Variants in DNAH9 observed in about 807,000 individuals in gnomAD.
The protein encoded by DNAH9 is DNAH9 variant protein.
DNAH9 carries 345 observed loss-of-function variants against 471.6 expected under a neutral mutation model. That is an observed-to-expected ratio of 0.73 (90% CI 0.67 to 0.80). The LOEUF is 0.80. Among genes scored for constraint, DNAH9 ranks in the 30% least tolerant of loss-of-function variants. The pLI, the probability that DNAH9 is intolerant of heterozygous loss-of-function variation, is 0.00. For missense variants in DNAH9, 5,407 were observed against 5,609.2 expected, an observed-to-expected ratio of 0.96 and a Z score of 1.15; for synonymous variants, 2,093 against 2,123.6, an observed-to-expected ratio of 0.99 and a Z score of 0.40.
chr17:11,636,561 C>T, intron 8 of DNAH9, 73 bp from the exon 9 acceptor site: 1 of 1,258,708 alleles, frequency 7.9e-7, no homozygotes, highest in Non-Finnish European at 1.1e-6. Context: ...AAAACCAGAA[C>T]ACTGGATTTG....
At chr17:11,655,688 A>G (rs1272584230) in intron 14 of DNAH9, among the ~76,000 whole-genome samples, 1 of 151,368 alleles carries the variant, frequency 6.6e-6, no homozygotes, top group African/African-American at 2.4e-5. Flanking sequence ...CAGCCATGAA[A>G]AGGAATGAAA....
intron 62 of DNAH9, among the ~76,000 whole-genome samples, chr17:11,928,071 AT>A (rs776014372): frequency 1.3e-5 from 2 of 152,032 alleles, no homozygotes; most frequent in Non-Finnish European, 2.9e-5. Context: ...CTTACATAGC[AT>A]TTTACAGTAT....
At chr17:11,716,349 A>G (rs2074962711) in intron 26 of DNAH9, among the ~76,000 whole-genome samples, 2 of 151,886 alleles carry the variant, frequency 1.3e-5, no homozygotes, top group Admixed American at 6.6e-5. Flanking sequence ...CCAAAGTGCT[A>G]GGATTACAGG....
At chr17:11,870,834 C>G (rs1972236712) in intron 51 of DNAH9, among the ~76,000 whole-genome samples, 1 of 152,150 alleles carries the variant, frequency 6.6e-6, no homozygotes. Context: ...CTCTACCGAC[C>G]TAGAGATTCT....
At chr17:11,934,164 C>T (rs1974617100) in intron 65 of DNAH9, 93 bp downstream of exon 65, 2 of 1,369,160 alleles carry the variant, frequency 1.5e-6, no homozygotes, top group African/African-American at 2.9e-5. Flanking sequence ...AGGGAAGCCT[C>T]TGCTGGGACA....
At chr17:11,611,920 A>C in intron 4 of DNAH9, 140 bp downstream of exon 4, 1 of 780,474 alleles carries the variant, frequency 1.3e-6, no homozygotes, top group South Asian at 1.6e-5. Flanking sequence ...TGGTGGCAAG[A>C]ATACCACATC....
chr17:11,615,586 AC>A (rs915123198), intron 4 of DNAH9, among the ~76,000 whole-genome samples: 4 of 140,516 alleles, frequency 2.8e-5, no homozygotes, highest in African/African-American at 1.1e-4. Flanking sequence ...CTCCATCCCC[AC>A]CCCAAAAGAA....
chr17:11,886,970 C>T lies in DNAH9; in HGVS notation c.11112+5C>T, dbSNP rs1181234507. 8 of 1,607,154 alleles carry T rather than the reference C, an allele frequency of 5.0e-6. No homozygotes were observed. Among genetic ancestry groups the T allele is most frequent in the Non-Finnish European group, 6.8e-6 (8 of 1,176,866 alleles). On this transcript the variant is annotated splice_donor_5th_base_variant and intron_variant, in intron 57 of 68. Transcript: ENST00000262442. Reference sequence around the variant, plus strand: ...ATGTACCAGTTTTCTCTCAAGGTGACTTACACCTGGAGTTTCTTGCCTGAT... The same window carrying T: ...ATGTACCAGTTTTCTCTCAAGGTGATTTACACCTGGAGTTTCTTGCCTGAT...
At chr17:11,800,525 CTA>C (rs1969415176) in intron 43 of DNAH9, among the ~76,000 whole-genome samples, 3 of 152,170 alleles carry the variant, frequency 2.0e-5, no homozygotes, top group Admixed American at 6.5e-5. Context: ...TCCTTTCCAT[CTA>C]CTACCCCCAT....
intron 66 of DNAH9, among the ~76,000 whole-genome samples, chr17:11,939,464 A>G (rs562909221): frequency 1.3e-5 from 2 of 152,314 alleles, no homozygotes; most frequent in South Asian, 4.1e-4. Context: ...GCCATGCACA[A>G]TGCTGTGTGG....
chr17:11,927,835 G>C (rs1027247272), intron 62 of DNAH9, among the ~76,000 whole-genome samples: 1 of 152,080 alleles, frequency 6.6e-6, no homozygotes, highest in African/African-American at 2.4e-5. Context: ...TCCACCCCAG[G>C]GTTCTATACA....
At position 11,763,622 on chromosome 17, in the gene DNAH9, G is replaced by T. The variant is rs1455493300; in HGVS notation, c.7170+8G>T. Reference sequence around the variant, plus strand: ...GCAATGGTCCAAGATCAGGTAAGGAGATATGTTGAGCTCAACAACCACACT... The same window carrying T: ...GCAATGGTCCAAGATCAGGTAAGGATATATGTTGAGCTCAACAACCACACT... On this transcript the variant is annotated splice_region_variant and intron_variant, in intron 36 of 68. Coordinates refer to ENST00000262442, the MANE Select transcript of DNAH9 (RefSeq NM_001372.4). 1.9e-6 allele frequency: 3 copies of T among 1,613,238 alleles called. No homozygotes were observed. The African/African-American group carries it at 4.0e-5, about 21-fold the overall frequency.
rs1437689844 is a variant in DNAH9 at position 11,817,721 on chromosome 17, C to T, written c.8708-4199C>T. 2.0e-5 allele frequency among the ~76,000 whole-genome samples: 3 copies of T among 152,104 alleles called. No homozygotes were observed. The East Asian group carries it at 5.8e-4, about 29-fold the overall frequency. On this transcript the variant is annotated intron_variant, in intron 45 of 68. Coordinates refer to ENST00000262442, the MANE Select transcript of DNAH9 (RefSeq NM_001372.4). ...GGTTTTCCTTCACTCCTATTTTTAT[C>T]AGAAGAGGCTGAAATGAGTCATTCT...
chr17:11,956,657 CAGAA>C (rs1051493218), intron 67 of DNAH9, among the ~76,000 whole-genome samples: 1 of 151,736 alleles, frequency 6.6e-6, no homozygotes, highest in African/African-American at 2.4e-5. Flanking sequence ...AAATCAATAA[CAGAA>C]AGATATCAGA....
At chr17:11,969,219 T>G in intron 68 of DNAH9, 81 bp from the exon 69 acceptor site, 6 of 1,273,740 alleles carry the variant, frequency 4.7e-6, no homozygotes, top group Non-Finnish European at 6.6e-6. Context: ...TTTCCTCCCT[T>G]GGATCTGCTG....
rs1196623862 is a variant in DNAH9, at chr17:11,822,852, G to A, written c.9064G>A (p.Val3022Ile). 1.2e-6 allele frequency: 2 copies of A among 1,614,252 alleles called. No individual in the cohort carries two copies. Among genetic ancestry groups the A allele is most frequent in the East Asian group, 2.2e-5 (1 of 44,886 alleles). ...SKFMAFVHTS[V>I]NQTSQSYLSN... ...ATTCATGGCCTTTGTCCACACAAGT[G>A]TCAACCAAACATCCCAGTCTTATCT... Residue 3022 changes from valine (V) to isoleucine (I), a missense_variant, in exon 48 of 69, where the codon GTC (valine) becomes ATC (isoleucine). Around this residue, in one of 3 missense-constraint regions of DNAH9, gnomAD observed 4,636 missense variants for 4,900.3 expected, o/e 0.95. Coordinates refer to ENST00000262442, the MANE Select transcript of DNAH9 (RefSeq NM_001372.4).
At chr17:11,680,919 C>T (rs758982284) in intron 19 of DNAH9, 30 bp downstream of exon 19, 1 of 1,576,864 alleles carries the variant, frequency 6.3e-7, no homozygotes, top group Admixed American at 1.8e-5. Context: ...GCCTCTCTTT[C>T]TGTGAACACT....
At position 11,892,036 on chromosome 17, in the gene DNAH9, A is replaced by G; in HGVS notation, c.11283+89A>G. 1 of 1,432,072 alleles carries G rather than the reference A, an allele frequency of 7.0e-7. No individual in the cohort carries two copies. The highest frequency in any genetic ancestry group is 1.2e-5 in the South Asian group (1 of 80,132). The allele number at this position is 1,432,072 out of a possible 1,614,324, so 88.7% of individuals were successfully genotyped here. On this transcript the variant is annotated intron_variant, in intron 58 of 68. Transcript: ENST00000262442. This position sits in a 1 kb window ranked among gnomAD's most constrained non-coding sequence, Gnocchi z 4.3. ...TAAGAAACTTTCTTCTTTGAACATCACTTTCCACAGCATGTCCAGACTATC... is the reference window on the plus strand; with the variant it reads ...TAAGAAACTTTCTTCTTTGAACATCGCTTTCCACAGCATGTCCAGACTATC...
rs1444427978 is a variant in DNAH9, at chr17:11,768,512, G to A, written c.7230G>A (p.Lys2410=). 3 of 1,614,200 alleles carry A rather than the reference G, an allele frequency of 1.9e-6. No homozygotes were observed. The highest frequency in any genetic ancestry group is 1.6e-4 in the Middle Eastern group (1 of 6,062). ...KWWLTEFKTV[K]FPSQGTIFDY... ...GGCTGACTGAGTTCAAAACAGTCAA[G>A]TTTCCTTCCCAAGGAACCATCTTTG... Residue 2410 remains lysine (K), a synonymous_variant, in exon 37 of 69, where the codon AAG becomes AAA. Coordinates refer to ENST00000262442, the MANE Select transcript of DNAH9 (RefSeq NM_001372.4).
Sources: allele counts gnomAD v4.1 joint callset (sites outside exome capture counted in the v4.1 genomes callset), GRCh38; gene constraint gnomAD v4.1.1; regional missense constraint gnomAD v4.1.1; non-coding constraint Gnocchi (gnomAD v3.1); transcripts MANE v1.5; gene names NCBI Gene and HGNC (gene_info 2026-07-23, HGNC 2026-07-21).